CHMP3: variants seen among roughly 807,000 people sequenced by gnomAD.
CHMP3 encodes 25.1 protein.
CHMP3 carries 8 observed loss-of-function variants against 27.4 expected under a neutral mutation model. That is an observed-to-expected ratio of 0.29 (90% CI 0.17 to 0.53). CHMP3 has a LOEUF of 0.53. CHMP3 is among the 20% of genes least tolerant of loss of function. The probability of loss-of-function intolerance (pLI) is 0.96; values close to 1 mark genes in which losing one functional copy is unlikely to be tolerated. For synonymous variants in CHMP3, 86 were observed against 85.5 expected, an observed-to-expected ratio of 1.01 and a Z score of -0.03; for missense variants, 208 against 271.5, an observed-to-expected ratio of 0.77 and a Z score of 1.64.
intron 3 of CHMP3, among the ~76,000 whole-genome samples, chr2:86,523,419 ATTTTTAT>A (rs917225411): frequency 1.3e-5 from 2 of 152,110 alleles, no homozygotes; most frequent in Non-Finnish European, 2.9e-5. Flanking sequence ...TAAATTTATT[ATTTTTAT>A]TTTTTATTAT....
chr2:86,529,242 G>T lies in CHMP3; in HGVS notation c.262C>A (p.Leu88Ile). 1.2e-6 allele frequency: 2 copies of T among 1,609,762 alleles called. No individual in the cohort carries two copies. Among genetic ancestry groups the T allele is most frequent in the Non-Finnish European group, 1.7e-6 (2 of 1,178,386 alleles). The change falls in exon 3 of 6, where the codon CTC (leucine) becomes ATC (isoleucine). Residue 88 changes from leucine to isoleucine, a missense_variant. Transcript: ENST00000263856. ...YASKAHMNSV[L>I]MGMKNQLAVL... ...CCGAGCTGGTTCTTCATCCCCATGA[G>T]CACTGAGTTCATGTGTGCTTTGGAT...
intron 5 of CHMP3, 73 bp downstream of exon 5, chr2:86,507,403 GCTA>G (rs1674926649): frequency 7.7e-7 from 1 of 1,290,798 alleles, no homozygotes; most frequent in Non-Finnish European, 1.1e-6. Context: ...TAAAGAAAAA[GCTA>G]CTAGCTAATT....
chr2:86,542,453 A>G (rs1406035298), intron 1 of CHMP3, 141 bp from the exon 2 acceptor site: 1 of 800,970 alleles, frequency 1.2e-6, no homozygotes, highest in Non-Finnish European at 2.0e-6. Context: ...CTTTAGGGTC[A>G]AATTTTACTT....
rs186745008 is a variant in CHMP3, at chr2:86,538,312, G to A, written c.106+3940C>T. On this transcript the variant is annotated intron_variant, in intron 2 of 5. Coordinates refer to ENST00000263856, the MANE Select transcript of CHMP3 (RefSeq NM_016079.4). ...ATTGTTTAATAGGTACAGAGTTTCA[G>A]TATGGATGAGGAAACAGATCTGGAG... Among the ~76,000 whole-genome samples, 230 of 152,306 alleles carry A rather than the reference G, an allele frequency of 1.5e-3. 1 individual carries two copies. The highest frequency in any genetic ancestry group is 5.0e-3 in the African/African-American group (209 of 41,566).
rs766226987 is a variant in CHMP3, at chr2:86,542,315, G to A, written c.46-3C>T. On this transcript the variant is annotated splice_region_variant and splice_polypyrimidine_tract_variant and intron_variant, in intron 1 of 5. Transcript: ENST00000263856. ...ATCTTCAATGACCACTCATTGACCTGGGAAAATTTTTAGAAAAGGAATGAG... is the reference window on the plus strand; with the variant it reads ...ATCTTCAATGACCACTCATTGACCTAGGAAAATTTTTAGAAAAGGAATGAG... 1.9e-6 allele frequency: 3 copies of A among 1,612,662 alleles called. No homozygotes were observed. The highest frequency in any genetic ancestry group is 1.1e-5 in the South Asian group (1 of 90,886).
At chr2:86,518,496 A>G (rs1167362063) in intron 3 of CHMP3, among the ~76,000 whole-genome samples, 1 of 152,214 alleles carries the variant, frequency 6.6e-6, no homozygotes, top group African/African-American at 2.4e-5. Flanking sequence ...GAAGCAGTTT[A>G]TTAAAAAGAT....
At chr2:86,516,002 G>A (rs1308052761) in intron 3 of CHMP3, among the ~76,000 whole-genome samples, 1 of 151,982 alleles carries the variant, frequency 6.6e-6, no homozygotes, top group African/African-American at 2.4e-5. Flanking sequence ...ACAAAAACCA[G>A]CTGGGTGTGG....
intron 1 of CHMP3, chr2:86,562,952 G>C: frequency 4.6e-6 from 1 of 216,604 alleles, no homozygotes; most frequent in Non-Finnish European, 9.1e-6. Context: ...CGGGCTGGAG[G>C]GGTGGGGCCT....
intron 1 of CHMP3, among the ~76,000 whole-genome samples, chr2:86,559,843 A>G (rs1188627426): frequency 1.3e-5 from 2 of 152,208 alleles, no homozygotes; most frequent in Admixed American, 1.3e-4. Context: ...TGAAAGGTCA[A>G]ACTGTTTCTG....
At chr2:86,525,901 A>C (rs1479343544) in intron 3 of CHMP3, among the ~76,000 whole-genome samples, 1 of 152,224 alleles carries the variant, frequency 6.6e-6, no homozygotes, top group Non-Finnish European at 1.5e-5. Flanking sequence ...TTACGCACTT[A>C]GAGATAAAGT....
chr2:86,515,211 T>A (rs1370663889), intron 3 of CHMP3: 1 of 149,566 alleles, frequency 6.7e-6, no homozygotes, highest in Non-Finnish European at 1.5e-5. Context: ...AAAAAAAAAA[T>A]GGAATGCTTC....
At chr2:86,507,187 A>C in intron 5 of CHMP3, 6 of 254,780 alleles carry the variant, frequency 2.4e-5, no homozygotes, top group South Asian at 4.7e-5. Flanking sequence ...TTGAATGGCT[A>C]TGGCCAAATT....
intron 2 of CHMP3, among the ~76,000 whole-genome samples, chr2:86,531,547 C>T (rs1675920351): frequency 1.3e-5 from 2 of 152,116 alleles, no homozygotes; most frequent in Admixed American, 6.5e-5. Context: ...GTTTGTTCTT[C>T]AAGTTGTGAA....
At chr2:86,558,351 C>A (rs1011191532) in intron 1 of CHMP3, among the ~76,000 whole-genome samples, 2 of 152,170 alleles carry the variant, frequency 1.3e-5, no homozygotes, top group Admixed American at 6.5e-5. Flanking sequence ...TGTGCAGGGG[C>A]AAAGATTTTA....
chr2:86,510,292 C>T, intron 4 of CHMP3, 66 bp downstream of exon 4: 1 of 1,516,140 alleles, frequency 6.6e-7, no homozygotes, highest in Non-Finnish European at 9.0e-7. Flanking sequence ...TCATCCCTAG[C>T]CCCCTGTTAC....
intron 3 of CHMP3, among the ~76,000 whole-genome samples, chr2:86,522,908 T>G (rs1389829337): frequency 2.0e-5 from 3 of 152,194 alleles, no homozygotes; most frequent in Non-Finnish European, 4.4e-5. Flanking sequence ...CTTCATGCAT[T>G]CCTGTCAAAC....
chr2:86,516,326 C>G (rs1675305520), intron 3 of CHMP3, among the ~76,000 whole-genome samples: 1 of 152,052 alleles, frequency 6.6e-6, no homozygotes, highest in Non-Finnish European at 1.5e-5. Flanking sequence ...CACTTTTAAA[C>G]ATTTCATCAA....
chr2:86,547,621 A>C (rs191721414), intron 1 of CHMP3, among the ~76,000 whole-genome samples: 55 of 152,344 alleles, frequency 3.6e-4, no homozygotes, highest in African/African-American at 1.3e-3. Flanking sequence ...AGGTGACTAT[A>C]ATGTTATGTT....
chr2:86,504,787 G>C lies in CHMP3; in HGVS notation c.*1017C>G, dbSNP rs1573229411. 1 of 152,168 alleles carries C rather than the reference G, an allele frequency of 6.6e-6. No individual in the cohort carries two copies. The highest frequency in any genetic ancestry group is 6.5e-5 in the Admixed American group (1 of 15,274). 9.4% of individuals were successfully genotyped at this position (152,168 alleles called of 1,614,324 possible). A position where few individuals can be genotyped will look rare whatever the true frequency, so the allele number is the denominator to read the frequency against. Reference sequence around the variant, plus strand: ...TTCAGTGCACATACAACTTGGACCAGAGGATCTGGGTTTGAATCCCATCTC... The same window carrying C: ...TTCAGTGCACATACAACTTGGACCACAGGATCTGGGTTTGAATCCCATCTC... On this transcript the variant is annotated 3_prime_UTR_variant, in exon 6 of 6. Transcript: ENST00000263856.
Sources: gnomAD v4.1 joint callset for allele counts (sites outside exome capture counted in the v4.1 genomes callset) on GRCh38, gnomAD v4.1.1 for gene constraint, MANE v1.5 for transcripts, NCBI Gene and HGNC (gene_info 2026-07-23, HGNC 2026-07-21) for gene names.